The following CSMD1 variants were observed in gnomAD, a reference collection of about 807,000 sequenced individuals.
CSMD1 encodes the protein CUB and Sushi multiple domains 1, also known as CUB and sushi domain-containing protein 1.
A neutral mutation model predicts 417.5 loss-of-function variants in CSMD1; 213 were observed. The observed-to-expected ratio is 0.51, with a 90% CI of 0.46 to 0.57. CSMD1 has a LOEUF of 0.57. Among genes scored for constraint, CSMD1 ranks in the 20% least tolerant of loss-of-function variants. CSMD1 has a pLI of 0.00. For synonymous variants in CSMD1, 2,862 were observed against 1,736.8 expected (o/e 1.65, Z -16.11); for missense variants, 6,923 against 4,529.7 (o/e 1.53, Z -15.17).
intron 3 of CSMD1, among the ~76,000 whole-genome samples, chr8:4,089,891 G>C (rs967172457): frequency 6.6e-6 from 1 of 152,102 alleles, no homozygotes; most frequent in African/African-American, 2.4e-5. Context: ...AGAGCTGTGG[G>C]GTCAGGGACC....
At chr8:3,919,619 T>C (rs756846458) in intron 5 of CSMD1, among the ~76,000 whole-genome samples, 2 of 152,184 alleles carry the variant, frequency 1.3e-5, no homozygotes, top group Non-Finnish European at 2.9e-5. Context: ...TTATCTCTGG[T>C]CTTTTGTGAT....
At chr8:4,866,724 T>C (rs895686129) in intron 1 of CSMD1, among the ~76,000 whole-genome samples, 3 of 151,984 alleles carry the variant, frequency 2.0e-5, no homozygotes, top group African/African-American at 7.3e-5. Flanking sequence ...CAAACAATAA[T>C]TTTCAACCTC....
intron 53 of CSMD1, 21 bp downstream of exon 53, chr8:2,999,937 G>A (rs1023046951): frequency 7.0e-6 from 11 of 1,582,592 alleles, no homozygotes; most frequent in Admixed American, 5.2e-5. Flanking sequence ...CGATGAATTC[G>A]TCCACAAAGA....
At chr8:3,982,843 A>C (rs912641315) in intron 5 of CSMD1, among the ~76,000 whole-genome samples, 1 of 152,232 alleles carries the variant, frequency 6.6e-6, no homozygotes, top group African/African-American at 2.4e-5. Context: ...TCATCATTGC[A>C]GCTCTACGCA....
At chr8:3,596,664 T>G (rs1043455393) in intron 8 of CSMD1, among the ~76,000 whole-genome samples, 1 of 152,148 alleles carries the variant, frequency 6.6e-6, no homozygotes, top group Non-Finnish European at 1.5e-5. Context: ...CACATCTGGT[T>G]GTTTGTAATT....
intron 12 of CSMD1, among the ~76,000 whole-genome samples, chr8:3,467,451 G>C (rs780610702): frequency 6.6e-6 from 1 of 152,192 alleles, no homozygotes; most frequent in East Asian, 1.9e-4. Context: ...TCAATTGAAG[G>C]TCAGGTCTAA....
intron 10 of CSMD1, among the ~76,000 whole-genome samples, chr8:3,531,194 G>C (rs894147269): frequency 1.3e-5 from 2 of 152,024 alleles, no homozygotes; most frequent in Admixed American, 1.3e-4. Context: ...ATAATTTCTG[G>C]AGATTCACCT....
At chr8:3,517,949 C>A (rs1353100126) in intron 10 of CSMD1, among the ~76,000 whole-genome samples, 1 of 152,098 alleles carries the variant, frequency 6.6e-6, no homozygotes, top group Non-Finnish European at 1.5e-5. Context: ...CAAGTCAAAT[C>A]TTCATGAATT....
intron 3 of CSMD1, among the ~76,000 whole-genome samples, chr8:4,142,451 CCT>C (rs1442198746): frequency 6.6e-6 from 1 of 151,174 alleles, no homozygotes; most frequent in Non-Finnish European, 1.5e-5. Context: ...TCCCTCTACT[CCT>C]CTGAGAATAA....
At chr8:3,529,365 A>T (rs943768440) in intron 10 of CSMD1, among the ~76,000 whole-genome samples, 1 of 152,214 alleles carries the variant, frequency 6.6e-6, no homozygotes, top group African/African-American at 2.4e-5. Context: ...TTCAAGAAAG[A>T]GTAACTCCCT....
intron 5 of CSMD1, among the ~76,000 whole-genome samples, chr8:3,984,534 T>C (rs2130220798): frequency 6.6e-6 from 1 of 151,776 alleles, no homozygotes; most frequent in East Asian, 1.9e-4. Context: ...ACTATTTTGA[T>C]TTTTCGTCTA....
intron 9 of CSMD1, among the ~76,000 whole-genome samples, chr8:3,580,391 T>C (rs1411219706): frequency 6.6e-6 from 1 of 152,070 alleles, no homozygotes; most frequent in Non-Finnish European, 1.5e-5. Context: ...GTCACAGGGA[T>C]ACCTGGGGGG....
intron 1 of CSMD1, among the ~76,000 whole-genome samples, chr8:4,658,285 C>T (rs973582422): frequency 2.0e-5 from 3 of 152,078 alleles, no homozygotes; most frequent in South Asian, 2.1e-4. Context: ...CAAAGAGATC[C>T]ATACTGGGAC....
At chr8:3,087,457 G>C (rs905202662) in intron 48 of CSMD1, among the ~76,000 whole-genome samples, 172 bp from the exon 49 acceptor site, 7 of 152,190 alleles carry the variant, frequency 4.6e-5, no homozygotes, top group Admixed American at 1.3e-4. Context: ...GAGTCTAAGA[G>C]GCAAGTCTCT....
In CSMD1 at chr8:2,981,439, C is replaced by T. The variant is rs77558328; in HGVS notation, c.8378-2639G>A. ...ACCTGCAGCGACTCCAGACCTGGTT[C>T]ATGACATGCTGTTAAGTATAGGGTA... On this transcript the variant is annotated intron_variant, in intron 54 of 69. Transcript: ENST00000635120. Among the ~76,000 whole-genome samples, 8 of 152,318 alleles carry T rather than the reference C, an allele frequency of 5.3e-5. No homozygotes were observed. The East Asian group carries it at 1.5e-3, about 29-fold the overall frequency.
At chr8:4,385,273 G>C (rs1438212) in intron 3 of CSMD1, among the ~76,000 whole-genome samples, 5 of 151,976 alleles carry the variant, frequency 3.3e-5, no homozygotes, top group African/African-American at 9.7e-5. Flanking sequence ...TATTCATCAG[G>C]CTTTCAAAAT....
At chr8:3,556,077 T>C (rs1799127950) in intron 10 of CSMD1, among the ~76,000 whole-genome samples, 1 of 152,128 alleles carries the variant, frequency 6.6e-6, no homozygotes, top group Non-Finnish European at 1.5e-5. Flanking sequence ...AAGTATGTAT[T>C]ATTCCATATT....
intron 25 of CSMD1, among the ~76,000 whole-genome samples, chr8:3,300,746 C>T (rs1584956060): frequency 6.6e-6 from 1 of 151,946 alleles, no homozygotes; most frequent in South Asian, 2.1e-4. Flanking sequence ...CATTGGAGGT[C>T]AGGAGTTTGA....
intron 8 of CSMD1, among the ~76,000 whole-genome samples, chr8:3,594,233 A>C (rs1397012335): frequency 6.6e-6 from 1 of 152,178 alleles, no homozygotes; most frequent in African/African-American, 2.4e-5. Context: ...CCTGGACCGT[A>C]TTAATGAGCT....
Sources: allele counts gnomAD v4.1 joint callset (sites outside exome capture counted in the v4.1 genomes callset), GRCh38; gene constraint gnomAD v4.1.1; transcripts MANE v1.5; gene names NCBI Gene and HGNC (gene_info 2026-07-23, HGNC 2026-07-21).